The following OR6C1 variants were observed in gnomAD, a reference collection of about 807,000 sequenced individuals.
OR6C1 encodes the protein olfactory receptor family 6 subfamily C member 1.
For synonymous variants in OR6C1, 157 were observed against 133.3 expected, an observed-to-expected ratio of 1.18 and a Z score of -1.22; for missense variants, 386 against 366.1, an observed-to-expected ratio of 1.05 and a Z score of -0.44.
Position 55,314,345 on chromosome 12 carries a change from G to C in OR6C1, c.-288G>C, listed in dbSNP as rs896004338. On this transcript the variant is annotated 5_prime_UTR_variant, in exon 1 of 2. Transcript: ENST00000642104. Reference sequence around the variant, plus strand: ...ATCTATGTAGAAACCATGCCAGACAGTTCTAAAACACTTTCAGATACTTTC... The same window carrying C: ...ATCTATGTAGAAACCATGCCAGACACTTCTAAAACACTTTCAGATACTTTC... 7.9e-5 allele frequency: 12 copies of C among 151,102 alleles called. No homozygotes were observed. The highest frequency in any genetic ancestry group is 1.8e-4 in the Non-Finnish European group (12 of 67,572). The allele number at this position is 151,102 out of a possible 1,614,324, so 9.4% of individuals were successfully genotyped here.
intron 1 of OR6C1, among the ~76,000 whole-genome samples, chr12:55,315,766 C>T (rs1359113853): frequency 6.6e-6 from 1 of 151,474 alleles, no homozygotes; most frequent in African/African-American, 2.4e-5. Flanking sequence ...TGTGTCATGG[C>T]CCACAGCCTA....
At chr12:55,317,922 A>ATATATATATTATATATATATG (rs1423549280) in intron 1 of OR6C1, among the ~76,000 whole-genome samples, 1 of 147,018 alleles carries the variant, frequency 6.8e-6, no homozygotes, top group Admixed American at 6.8e-5. Flanking sequence ...GCTAATATAT[A>ATATATATATTATATATATATG]TATATATATT....
At position 55,320,693 on chromosome 12, in the gene OR6C1, A is replaced by T; in HGVS notation, c.94A>T (p.Thr32Ser). 11 of 1,613,706 alleles carry T rather than the reference A, an allele frequency of 6.8e-6. No homozygotes were observed. Among genetic ancestry groups the T allele is most frequent in the Non-Finnish European group, 9.3e-6 (11 of 1,179,718 alleles). ...TGTAATCTTTGTCTTCCTGCTCATC[A>T]CCTACATGCTCAGCATCACTGGGAA... ...QVVIFVFLLI[T>S]YMLSITGNLT... Residue 32 changes from threonine to serine, a missense_variant, in exon 2 of 2, where the codon ACC (threonine) becomes TCC (serine). Physicochemically the swap from Thr to Ser is moderately conservative, Grantham distance 58. Transcript: ENST00000642104.
chr12:55,320,080 G>A (rs1433224986), intron 1 of OR6C1, among the ~76,000 whole-genome samples: 1 of 152,138 alleles, frequency 6.6e-6, no homozygotes, highest in Non-Finnish European at 1.5e-5. Context: ...GGCAGAGGTT[G>A]CAGTGAGCCA....
Position 55,321,658 on chromosome 12 carries a change from G to T in OR6C1, c.*120G>T. 1.8e-6 allele frequency: 1 copy of T among 562,264 alleles called. No individual in the cohort carries two copies. The highest frequency in any genetic ancestry group is 3.0e-5 in the East Asian group (1 of 33,480). The allele number at this position is 562,264 out of a possible 1,614,324, so 34.8% of individuals were successfully genotyped here. A position where few individuals can be genotyped will look rare whatever the true frequency, so the allele number is the denominator to read the frequency against. The stretch of plus-strand genomic sequence containing the variant: ...ATCATTTTCTTTTCCCTAAAAGTTT[G>T]CAAGCATATTTATTTAATATATTTC... On this transcript the variant is annotated 3_prime_UTR_variant, in exon 2 of 2. Coordinates refer to ENST00000642104, the MANE Select transcript of OR6C1 (RefSeq NM_001005182.2).
chr12:55,318,006 CACAT>C (rs1341722629), intron 1 of OR6C1, among the ~76,000 whole-genome samples: 1 of 148,824 alleles, frequency 6.7e-6, no homozygotes, highest in Non-Finnish European at 1.5e-5. Context: ...TATATACACA[CACAT>C]AAATACACAC....
chr12:55,320,857 A>T lies in OR6C1; in HGVS notation c.258A>T (p.Gly86=). 6.2e-7 allele frequency: 1 copy of T among 1,613,758 alleles called. No homozygotes were observed. The change falls in exon 2 of 2, where the codon GGA becomes GGT. Residue 86 remains glycine, a synonymous_variant. Coordinates refer to ENST00000642104, the MANE Select transcript of OR6C1 (RefSeq NM_001005182.2). ...IPKFLGNIIS[G]DKTISFNNCI... is the part of the protein sequence containing the mutation. ...AGTTTCTGGGTAACATTATTTCAGG[A>T]GATAAAACCATTTCCTTTAATAATT...
chr12:55,320,498 C>G, intron 1 of OR6C1, 69 bp from the exon 2 acceptor site: 1 of 708,750 alleles, frequency 1.4e-6, no homozygotes, highest in Non-Finnish European at 2.4e-6. Context: ...CAACCAAACT[C>G]CAGCTCCGTA....
intron 1 of OR6C1, among the ~76,000 whole-genome samples, chr12:55,317,918 A>ATATATATATATATTATATATATATG (rs1868437672): frequency 1.4e-5 from 2 of 145,948 alleles, no homozygotes; most frequent in East Asian, 2.0e-4. Flanking sequence ...CAATGCTAAT[A>ATATATATATATATTATATATATATG]TATATATATA....
chr12:55,319,208 C>A, intron 1 of OR6C1, among the ~76,000 whole-genome samples: 1 of 152,078 alleles, frequency 6.6e-6, no homozygotes, highest in African/African-American at 2.4e-5. Flanking sequence ...TTCCAGCTTA[C>A]ATTATTCTAT....
rs1452142116 is a variant in OR6C1 at position 55,321,212 on chromosome 12, C to T, written c.613C>T (p.Leu205=). Residue 205 remains leucine (L), a synonymous_variant, in exon 2 of 2, where the codon CTA becomes TTA. Transcript: ENST00000642104. ...GGGATTTTCTTGTGCTGCGTTTACT[C>T]TAATGTTCACTTTGGCATTAATATT... ...VMGFSCAAFT[L]MFTLALIFLS... The T allele has an allele frequency of 6.2e-6, 10 of 1,613,798 alleles. No individual in the cohort carries two copies. The highest frequency in any genetic ancestry group is 7.6e-6 in the Non-Finnish European group (9 of 1,179,862).
At chr12:55,318,650 A>G (rs1236811187) in intron 1 of OR6C1, among the ~76,000 whole-genome samples, 2 of 148,258 alleles carry the variant, frequency 1.3e-5, no homozygotes, top group Admixed American at 6.8e-5. Flanking sequence ...AAAAATATAA[A>G]TATAAATTAT....
chr12:55,317,881 A>C (rs888733823), intron 1 of OR6C1, among the ~76,000 whole-genome samples: 1 of 148,854 alleles, frequency 6.7e-6, no homozygotes, highest in African/African-American at 2.5e-5. Flanking sequence ...ATGTCATTAC[A>C]ATGTATTACC....
chr12:55,318,058 CAT>C (rs1251482216), intron 1 of OR6C1, among the ~76,000 whole-genome samples: 2 of 151,080 alleles, frequency 1.3e-5, no homozygotes, highest in Admixed American at 1.3e-4. Flanking sequence ...TGCACACTCA[CAT>C]ATGTATATAT....
At chr12:55,315,717 T>A (rs1868397446) in intron 1 of OR6C1, among the ~76,000 whole-genome samples, 1 of 151,748 alleles carries the variant, frequency 6.6e-6, no homozygotes, top group Admixed American at 6.6e-5. Flanking sequence ...GAAGAGCCAC[T>A]GTTTCATTCA....
intron 1 of OR6C1, among the ~76,000 whole-genome samples, chr12:55,318,516 C>G (rs1592262059): frequency 6.6e-6 from 1 of 151,318 alleles, no homozygotes; most frequent in Non-Finnish European, 1.5e-5. Flanking sequence ...AGATTTTCAG[C>G]TCAATGGTTA....
intron 1 of OR6C1, among the ~76,000 whole-genome samples, chr12:55,317,497 T>C (rs1868429619): frequency 6.6e-6 from 1 of 151,810 alleles, no homozygotes; most frequent in Non-Finnish European, 1.5e-5. Context: ...TGTAAGAAAA[T>C]ACATCTTGTA....
At chr12:55,317,968 CATATATACACAT>C (rs1565661128) in intron 1 of OR6C1, among the ~76,000 whole-genome samples, 1 of 144,568 alleles carries the variant, frequency 6.9e-6, no homozygotes, top group Non-Finnish European at 1.5e-5. Context: ...CACACACACA[CATATATACACAT>C]ATATATACAT....
rs61957877 is a variant in OR6C1 at position 55,320,280 on chromosome 12, G to A, written c.-33-287G>A. 4.1e-3 allele frequency among the ~76,000 whole-genome samples: 619 copies of A among 152,272 alleles called. 5 individuals are homozygous for A. Among genetic ancestry groups the A allele is most frequent in the Non-Finnish European group, 6.9e-3 (472 of 68,014 alleles). On this transcript the variant is annotated intron_variant, in intron 1 of 1. Coordinates refer to ENST00000642104, the MANE Select transcript of OR6C1 (RefSeq NM_001005182.2). ...GATTAGGGAGGAAACTTGTAGGCAT[G>A]TCTTTGAAAGATAACAGGTATTATG... is the stretch of plus-strand genomic sequence containing the variant.
Sources: gnomAD v4.1 joint callset for allele counts (sites outside exome capture counted in the v4.1 genomes callset) on GRCh38, gnomAD v4.1.1 for gene constraint, MANE v1.5 for transcripts, NCBI Gene and HGNC (gene_info 2026-07-23, HGNC 2026-07-21) for gene names.